Variants in SHANK2 observed in about 807,000 individuals in gnomAD.
SHANK2 encodes SH3 and multiple ankyrin repeat domains 2, also known as SH3 and multiple ankyrin repeat domains protein 2.
SHANK2 carries 43 observed loss-of-function variants against 133.7 expected under a neutral mutation model. The ratio of observed to expected loss-of-function variants is 0.32; its 90% CI spans 0.25 to 0.41. The LOEUF is 0.41. SHANK2 is among the 10% of genes least tolerant of loss of function. The pLI, the probability that SHANK2 is intolerant of heterozygous loss-of-function variation, is 1.00. For synonymous variants in SHANK2, 1,017 were observed against 952.8 expected, an observed-to-expected ratio of 1.07 and a Z score of -1.24; for missense variants, 1,994 against 2,235.8, an observed-to-expected ratio of 0.89 and a Z score of 2.18.
chr11:71,250,100 C>A (rs540774256), intron 1 of SHANK2, among the ~76,000 whole-genome samples: 2 of 148,602 alleles, frequency 1.3e-5, no homozygotes, highest in African/African-American at 5.0e-5. Context: ...AAAGATCCCC[C>A]CAACAGACCG....
chr11:70,874,393 A>G (rs1555070792), intron 11 of SHANK2, among the ~76,000 whole-genome samples: 4 of 152,270 alleles, frequency 2.6e-5, no homozygotes, highest in Non-Finnish European at 5.9e-5. Context: ...CACACACTGG[A>G]GTGCACTGGC....
intron 14 of SHANK2, among the ~76,000 whole-genome samples, chr11:70,772,767 C>T (rs1379203643): frequency 6.6e-6 from 1 of 152,198 alleles, no homozygotes; most frequent in Non-Finnish European, 1.5e-5. Context: ...GTCCTAGGGA[C>T]TCCACTAGAA....
intron 3 of SHANK2, among the ~76,000 whole-genome samples, chr11:71,142,287 G>A (rs1358534110): frequency 6.6e-6 from 1 of 152,174 alleles, no homozygotes; most frequent in African/African-American, 2.4e-5. Flanking sequence ...GATCACCTGA[G>A]GTCAGGAGTT....
chr11:70,830,543 C>T lies in SHANK2; in HGVS notation c.1175-9861G>A, dbSNP rs995666184. Among the ~76,000 whole-genome samples the T allele has an allele frequency of 6.6e-6, 1 of 152,238 alleles. No homozygotes were observed. The highest frequency in any genetic ancestry group is 2.4e-5 in the African/African-American group (1 of 41,458). On this transcript the variant is annotated intron_variant, in intron 11 of 25. Coordinates refer to ENST00000601538, the MANE Select transcript of SHANK2 (RefSeq NM_012309.5). The surrounding 1 kb of genome is among the most constrained non-coding windows in gnomAD (Gnocchi z 4.4). ...AGAGCTGGGGAAGCAGAGGCGGGTGCACAGCCTCCCGCAGAACTCCGGGAA... is the reference window on the plus strand; with the variant it reads ...AGAGCTGGGGAAGCAGAGGCGGGTGTACAGCCTCCCGCAGAACTCCGGGAA...
chr11:70,843,588 C>G (rs1367161557), intron 11 of SHANK2, among the ~76,000 whole-genome samples: 1 of 151,848 alleles, frequency 6.6e-6, no homozygotes, highest in African/African-American at 2.4e-5. Flanking sequence ...CACAGAGAGA[C>G]GACCCTGTGA....
intron 14 of SHANK2, among the ~76,000 whole-genome samples, chr11:70,754,887 C>T (rs782741713): frequency 6.6e-6 from 1 of 152,152 alleles, no homozygotes; most frequent in African/African-American, 2.4e-5. Flanking sequence ...CTAGATTTAA[C>T]ACGGCCCCAG....
Position 70,798,453 on chromosome 11 carries a change from G to C in SHANK2, c.1767C>G (p.Asp589Glu). Residue 589 changes from aspartate to glutamate, a missense_variant, in exon 14 of 26, where the codon GAC becomes GAG. By Grantham distance (45) the Asp-to-Glu change is conservative. Transcript: ENST00000601538. ...CVEEVQCKPRDSQAETRADRS... is the reference protein window; with the variant it reads ...CVEEVQCKPRESQAETRADRS... ...GAGCGCTCGCCTTACCTGCCTGGCTGTCCCTGGGCTTACACTGGACCTCCT... is the reference window on the plus strand; with the variant it reads ...GAGCGCTCGCCTTACCTGCCTGGCTCTCCCTGGGCTTACACTGGACCTCCT... 1 of 718,408 alleles carries C rather than the reference G, an allele frequency of 1.4e-6. No individual in the cohort carries two copies. The highest frequency in any genetic ancestry group is 1.5e-5 in the South Asian group (1 of 67,600). 44.5% of individuals were successfully genotyped at this position (718,408 alleles called of 1,614,324 possible).
At chr11:70,521,093 C>T (rs1194014408) in intron 17 of SHANK2, among the ~76,000 whole-genome samples, 1 of 152,150 alleles carries the variant, frequency 6.6e-6, no homozygotes, top group African/African-American at 2.4e-5. Context: ...AATATTCTAC[C>T]CTCTTCATGA....
At chr11:71,091,424 G>A (rs1555093994) in intron 8 of SHANK2, among the ~76,000 whole-genome samples, 1 of 152,202 alleles carries the variant, frequency 6.6e-6, no homozygotes. Context: ...CCTTACAGGT[G>A]TGTAAGGTGG....
At chr11:70,866,100 C>A (rs550977762) in intron 11 of SHANK2, among the ~76,000 whole-genome samples, 2 of 152,266 alleles carry the variant, frequency 1.3e-5, no homozygotes, top group East Asian at 1.9e-4. Context: ...ATGCCTCTGT[C>A]GGAAAGGCCT....
At chr11:70,495,070 G>T (rs942110260) in intron 21 of SHANK2, among the ~76,000 whole-genome samples, 1 of 152,194 alleles carries the variant, frequency 6.6e-6, no homozygotes, top group Non-Finnish European at 1.5e-5. Flanking sequence ...TGGCAGTGGG[G>T]ACATCCTGGC....
chr11:71,092,681 C>A, intron 7 of SHANK2, 92 bp from the exon 8 acceptor site: 7 of 1,331,208 alleles, frequency 5.3e-6, no homozygotes, highest in Non-Finnish European at 6.2e-6. Flanking sequence ...GGACCACCCT[C>A]CCCCAGGTCA....
chr11:70,814,324 CAAA>C (rs57006336), intron 12 of SHANK2, among the ~76,000 whole-genome samples: 2 of 130,532 alleles, frequency 1.5e-5, no homozygotes, highest in Non-Finnish European at 1.7e-5. Flanking sequence ...GACTCTGTCT[CAAA>C]AAAAAAAAAA....
chr11:70,649,702 C>T (rs553827787), intron 17 of SHANK2, among the ~76,000 whole-genome samples: 32 of 152,262 alleles, frequency 2.1e-4, no homozygotes, highest in African/African-American at 7.5e-4. Context: ...GAGGACCTGG[C>T]GCCAGCAGCT....
At chr11:70,862,716 T>C (rs1949280939) in intron 11 of SHANK2, 1 of 147,280 alleles carries the variant, frequency 6.8e-6, no homozygotes, top group Non-Finnish European at 1.3e-5. Context: ...CCGGCTTGAG[T>C]GGATCATGAA....
intron 17 of SHANK2, among the ~76,000 whole-genome samples, chr11:70,564,831 T>G (rs1554981564): frequency 6.6e-6 from 1 of 152,218 alleles, no homozygotes; most frequent in South Asian, 2.1e-4. Flanking sequence ...GAAGTTTGAT[T>G]TGGGTTAAAA....
At chr11:70,937,761 C>A (rs1950591737) in intron 10 of SHANK2, among the ~76,000 whole-genome samples, 1 of 151,780 alleles carries the variant, frequency 6.6e-6, no homozygotes, top group Non-Finnish European at 1.5e-5. Flanking sequence ...TAGGTCAAGT[C>A]CTGGTGTTGT....
At chr11:70,492,798 T>TTC (rs2058911989) in intron 21 of SHANK2, among the ~76,000 whole-genome samples, 1 of 142,118 alleles carries the variant, frequency 7.0e-6, no homozygotes, top group Admixed American at 7.0e-5. Flanking sequence ...TTTTTTTTTT[T>TTC]TTTTTTTTTT....
At chr11:71,082,181 T>A (rs978948461) in intron 8 of SHANK2, among the ~76,000 whole-genome samples, 7 of 152,346 alleles carry the variant, frequency 4.6e-5, no homozygotes, top group Middle Eastern at 3.4e-3. Context: ...GAGCCACTCC[T>A]GGCTGGCACT....
Sources: gnomAD v4.1 joint callset for allele counts (sites outside exome capture counted in the v4.1 genomes callset) on GRCh38, gnomAD v4.1.1 for gene constraint, Gnocchi (gnomAD v3.1) non-coding constraint, MANE v1.5 for transcripts, NCBI Gene and HGNC (gene_info 2026-07-23, HGNC 2026-07-21) for gene names.